PAPOLG: variants seen among roughly 807,000 people sequenced by gnomAD.
The protein encoded by PAPOLG is poly(A) polymerase gamma, also known as PAP-gamma.
Under a neutral mutation model 99.0 loss-of-function variants are expected in PAPOLG, and 40 were observed. The ratio of observed to expected loss-of-function variants is 0.40; its 90% confidence interval spans 0.31 to 0.53. The LOEUF is 0.53. Ranked by LOEUF, PAPOLG falls within the 20% of genes least tolerant of loss-of-function variation. The pLI, the probability that PAPOLG is intolerant of heterozygous loss-of-function variation, is 0.41. For missense variants in PAPOLG, 675 were observed against 884.1 expected (o/e 0.76, Z 3.00); for synonymous variants, 310 against 299.3 (o/e 1.04, Z -0.37).
chr2:60,760,322 T>A (rs780859009), intron 2 of PAPOLG, 27 bp downstream of exon 2: 2 of 1,563,116 alleles, frequency 1.3e-6, no homozygotes, highest in Non-Finnish European at 1.8e-6. Context: ...CATAAAATAT[T>A]TGACAGTGCA....
chr2:60,768,506 A>C lies in PAPOLG; in HGVS notation c.283A>C (p.Lys95Gln), dbSNP rs781277673. 1 of 1,613,972 alleles carries C rather than the reference A, an allele frequency of 6.2e-7. No homozygotes were observed. The highest frequency in any genetic ancestry group is 8.5e-7 in the Non-Finnish European group (1 of 1,179,826). Residue 95 changes from lysine (K) to glutamine (Q), a missense_variant, in exon 4 of 22, where the codon AAA becomes CAA. Physicochemically the swap from Lys to Gln is moderately conservative, Grantham distance 53. Coordinates refer to ENST00000238714, the MANE Select transcript of PAPOLG (RefSeq NM_022894.4). ...TTCTGTTGTGGCTACTGTTGGTGGT[A>C]AAATTTTCACATTTGGATCCTATAG... Reference protein sequence around the residue: ...PPSVVATVGGKIFTFGSYRLG... With the variant: ...PPSVVATVGGQIFTFGSYRLG...
At chr2:60,765,726 A>G (rs966768968) in intron 3 of PAPOLG, among the ~76,000 whole-genome samples, 75 of 152,356 alleles carry the variant, frequency 4.9e-4, no homozygotes, top group Non-Finnish European at 8.8e-5. Flanking sequence ...CTCATAAATC[A>G]TGCGAGAATC....
At chr2:60,761,915 C>T in intron 3 of PAPOLG, 108 bp downstream of exon 3, 1 of 819,664 alleles carries the variant, frequency 1.2e-6, no homozygotes, top group Non-Finnish European at 2.0e-6. Flanking sequence ...CAAAGCTTGG[C>T]TCTCTGGTAT....
chr2:60,789,471 G>C (rs1488747060), intron 15 of PAPOLG, among the ~76,000 whole-genome samples: 1 of 152,064 alleles, frequency 6.6e-6, no homozygotes, highest in East Asian at 1.9e-4. Context: ...CTGGGCTCAA[G>C]CAATTTGCCC....
At chr2:60,776,418 A>AT (rs70959863) in intron 8 of PAPOLG, among the ~76,000 whole-genome samples, 2,543 of 85,862 alleles carry the variant, frequency 0.03, 230 homozygotes, top group Non-Finnish European at 0.043. Flanking sequence ...CATTGGCTTC[A>AT]TTTTTTTTTT....
chr2:60,761,846 T>C lies in PAPOLG; in HGVS notation c.246+39T>C, dbSNP rs776817751. 1.3e-5 allele frequency: 18 copies of C among 1,413,800 alleles called. No individual in the cohort carries two copies. The African/African-American group carries it at 2.6e-4, about 20-fold the overall frequency. The allele number at this position is 1,413,800 out of a possible 1,614,324, so 87.6% of individuals were successfully genotyped here. On this transcript the variant is annotated intron_variant, in intron 3 of 21. Transcript: ENST00000238714. The stretch of plus-strand genomic sequence containing the variant: ...CTATGTGGAATTCTTGTTTTTATTA[T>C]ATCTTGGCCATTCATCCTGGCAATA...
At chr2:60,782,295 G>A (rs574929609) in intron 11 of PAPOLG, among the ~76,000 whole-genome samples, 2 of 152,208 alleles carry the variant, frequency 1.3e-5, no homozygotes, top group South Asian at 2.1e-4. Flanking sequence ...GGCCGGGCGC[G>A]ATGGCTCATG....
rs528525946 is a variant in PAPOLG, at chr2:60,761,727, A to AT, written c.180-5dup. On this transcript the variant is annotated splice_polypyrimidine_tract_variant and intron_variant, in intron 2 of 21. Transcript: ENST00000238714. ...TTGTTTGTTTGTTTTAATCTGAAGC[A>AT]TTTTTTTTTATAGGCTGGTGGTTCT... The AT allele has an allele frequency of 7.2e-4, 1,091 of 1,505,238 alleles. No homozygotes were observed. Among genetic ancestry groups the AT allele is most frequent in the Admixed American group, 9.5e-4 (52 of 54,918 alleles). 93.2% of individuals were successfully genotyped at this position (1,505,238 alleles called of 1,614,324 possible). A position where few individuals can be genotyped will look rare whatever the true frequency, so the allele number is the denominator to read the frequency against.
rs1573243033 is a variant in PAPOLG, at chr2:60,782,894, C to A, written c.1112+124C>A. ...TCTTAAGCAAGAGAGAATAGATTAA[C>A]AAAAATCCTAAGAGATAAGAGTGTT... On this transcript the variant is annotated intron_variant, in intron 12 of 21. Transcript: ENST00000238714. The A allele has an allele frequency of 3.3e-6, 4 of 1,212,642 alleles. No individual in the cohort carries two copies. The East Asian group carries it at 8.5e-5, about 26-fold the overall frequency. 75.1% of individuals were successfully genotyped at this position (1,212,642 alleles called of 1,614,324 possible). A position where few individuals can be genotyped will look rare whatever the true frequency, so the allele number is the denominator to read the frequency against.
Position 60,756,442 on chromosome 2 carries a change from C to T in PAPOLG, c.-37C>T. 1.9e-6 allele frequency: 3 copies of T among 1,611,826 alleles called. No homozygotes were observed. The highest frequency in any genetic ancestry group is 1.1e-5 in the South Asian group (1 of 91,024). ...GAACAGCAAGAACAGGACTCCAGAG[C>T]GATAAACACTCGCTGGAGAGGGAGA... On this transcript the variant is annotated 5_prime_UTR_variant, in exon 1 of 22. Transcript: ENST00000238714.
chr2:60,758,514 G>A (rs58802900), intron 1 of PAPOLG, among the ~76,000 whole-genome samples: 17,199 of 146,694 alleles, frequency 0.12, 968 homozygotes, highest in Middle Eastern at 0.16. Context: ...TGCAACCTTC[G>A]TCTCCTGGGT....
At chr2:60,779,881 T>A in intron 9 of PAPOLG, 106 bp downstream of exon 9, 1 of 1,000,200 alleles carries the variant, frequency 1.0e-6, no homozygotes, top group Non-Finnish European at 1.4e-6. Flanking sequence ...TGTTTTACAT[T>A]GCTTTGTAAA....
At chr2:60,761,498 T>C (rs572437200) in intron 2 of PAPOLG, among the ~76,000 whole-genome samples, 3 of 152,316 alleles carry the variant, frequency 2.0e-5, no homozygotes, top group East Asian at 1.9e-4. Flanking sequence ...TTAGGCTTTT[T>C]GAATTTTTGA....
intron 2 of PAPOLG, among the ~76,000 whole-genome samples, chr2:60,760,965 C>T (rs568414520): frequency 1.3e-5 from 2 of 152,240 alleles, no homozygotes; most frequent in South Asian, 2.1e-4. Context: ...ATTATAATAG[C>T]CCTAGGAGGA....
chr2:60,771,395 C>G (rs1030062668), intron 6 of PAPOLG, 124 bp from the exon 7 acceptor site: 3 of 1,220,120 alleles, frequency 2.5e-6, no homozygotes, highest in African/African-American at 1.6e-5. Context: ...ATAGGCCTAT[C>G]GAAGCTTTGG....
At position 60,780,615 on chromosome 2, in the gene PAPOLG, T is replaced by C; in HGVS notation, c.834-92T>C. 11 of 1,312,802 alleles carry C rather than the reference T, an allele frequency of 8.4e-6. No homozygotes were observed. The South Asian group carries it at 1.4e-4, about 16-fold the overall frequency. 81.3% of individuals were successfully genotyped at this position (1,312,802 alleles called of 1,614,324 possible). The stretch of plus-strand genomic sequence containing the variant: ...TACCAAATACCCAGAACATTCACTC[T>C]GTAGAAGGTTAGAACAATCTAATAA... On this transcript the variant is annotated intron_variant, in intron 9 of 21. Transcript: ENST00000238714.
In PAPOLG at chr2:60,794,765, G is replaced by C; in HGVS notation, c.2045G>C (p.Arg682Thr). 1 of 1,606,266 alleles carries C rather than the reference G, an allele frequency of 6.2e-7. No individual in the cohort carries two copies. The highest frequency in any genetic ancestry group is 8.5e-7 in the Non-Finnish European group (1 of 1,173,194). The change falls in exon 20 of 22, where the codon AGA (arginine) becomes ACA (threonine). Residue 682 changes from arginine (R) to threonine (T), a missense_variant. Transcript: ENST00000238714. ...CCCCGCACTGCTGAAGAAAGAAAAA[G>C]AAAATCAGTGGTAAATATATTAATA... Reference protein sequence around the residue: ...KDPRTAEERKRKSVDAIGGES... With the variant: ...KDPRTAEERKTKSVDAIGGES...
intron 6 of PAPOLG, among the ~76,000 whole-genome samples, chr2:60,771,053 G>C (rs572022168): frequency 2.0e-5 from 3 of 152,074 alleles, no homozygotes; most frequent in Non-Finnish European, 4.4e-5. Context: ...TAGGTCTACT[G>C]GGTCTGTTAC....
At chr2:60,775,246 CTG>C in intron 8 of PAPOLG, 123 bp downstream of exon 8, 1 of 1,128,616 alleles carries the variant, frequency 8.9e-7, no homozygotes, top group African/African-American at 1.6e-5. Context: ...CCAATAAACT[CTG>C]TAATAGCTAT....
Sources: allele counts gnomAD v4.1 joint callset (sites outside exome capture counted in the v4.1 genomes callset), GRCh38; gene constraint gnomAD v4.1.1; transcripts MANE v1.5; gene names NCBI Gene and HGNC (gene_info 2026-07-23, HGNC 2026-07-21).